Variants in TBC1D19 observed in about 807,000 individuals in gnomAD.
TBC1D19 encodes the protein TBC1 domain family member 19, also known as TBC1 domain family, member 19.
Under a neutral mutation model 89.0 loss-of-function variants are expected in TBC1D19, and 60 were observed. The ratio of observed to expected loss-of-function variants is 0.67; its 90% CI spans 0.55 to 0.84. The LOEUF (loss-of-function observed/expected upper bound fraction) is 0.84, where lower values mean the gene tolerates loss of function less well. Among genes scored for constraint, TBC1D19 ranks in the 40% least tolerant of loss-of-function variants. The probability of loss-of-function intolerance (pLI) is 0.00; values close to 1 mark genes in which losing one functional copy is unlikely to be tolerated. For synonymous variants in TBC1D19, 189 were observed against 199.7 expected (o/e 0.95, Z 0.45); for missense variants, 500 against 610.8 (o/e 0.82, Z 1.91).
chr4:26,793,993 ATT>A, the TBC1D19 span, among the ~76,000 whole-genome samples: 1 of 152,196 alleles, frequency 6.6e-6, no homozygotes, highest in African/African-American at 2.4e-5. Context: ...CAGAACCCTG[ATT>A]AGCTAGTCTT....
At chr4:26,820,021 A>G in the TBC1D19 span, among the ~76,000 whole-genome samples, 3 of 152,056 alleles carry the variant, frequency 2.0e-5, no homozygotes, top group East Asian at 5.8e-4. Flanking sequence ...AAACTTCAAC[A>G]TTTTTCTCTC....
intron 11 of TBC1D19, among the ~76,000 whole-genome samples, chr4:26,679,749 A>G (rs948812200): frequency 3.9e-5 from 6 of 152,256 alleles, no homozygotes; most frequent in Non-Finnish European, 7.3e-5. Flanking sequence ...CCACAGGGGC[A>G]GAGCTGGCCA....
intron 3 of TBC1D19, among the ~76,000 whole-genome samples, chr4:26,618,473 T>TGCATAC (rs1741833354): frequency 6.6e-6 from 1 of 152,130 alleles, no homozygotes; most frequent in East Asian, 1.9e-4. Context: ...CAAAAGTTTG[T>TGCATAC]ATGGCTGAAT....
chr4:26,586,530 G>C (rs1739429297), intron 1 of TBC1D19, among the ~76,000 whole-genome samples: 2 of 152,032 alleles, frequency 1.3e-5, no homozygotes. Context: ...GGATTATGTT[G>C]AATCTGTAGA....
rs1560504083 is a variant in TBC1D19, at chr4:26,735,057, T to TATGTATATGTGTACACAC, written c.1085-390_1085-389insGTGTACACACATGTATAT. On this transcript the variant is annotated intron_variant, in intron 15 of 20. Coordinates refer to ENST00000264866, the MANE Select transcript of TBC1D19 (RefSeq NM_018317.4). Reference sequence around the variant, plus strand: ...ATGTATATGTGTACACACATGTATATATGTATATATGTATACACATGTATA... The same window carrying TATGTATATGTGTACACAC: ...ATGTATATGTGTACACACATGTATATATGTATATGTGTACACACATGTATATATGTATACACATGTATA... Among the ~76,000 whole-genome samples the TATGTATATGTGTACACAC allele has an allele frequency of 2.7e-4, 41 of 150,388 alleles. 1 individual carries two copies. The highest frequency in any genetic ancestry group is 2.7e-4 in the Non-Finnish European group (18 of 67,758).
the TBC1D19 span, among the ~76,000 whole-genome samples, chr4:26,783,486 G>A: frequency 6.6e-6 from 1 of 152,088 alleles, no homozygotes; most frequent in African/African-American, 2.4e-5. Flanking sequence ...CCTGAAAAAC[G>A]TTTTGAGTGT....
intron 7 of TBC1D19, among the ~76,000 whole-genome samples, chr4:26,652,510 G>T (rs1369592098): frequency 2.0e-5 from 3 of 152,150 alleles, no homozygotes; most frequent in African/African-American, 7.2e-5. Context: ...CTGAGAGCTG[G>T]GATTACAGGC....
the TBC1D19 span, among the ~76,000 whole-genome samples, chr4:26,789,688 TA>T: frequency 4.6e-5 from 7 of 152,178 alleles, no homozygotes; most frequent in Non-Finnish European, 7.3e-5. Flanking sequence ...TTTGATCCAG[TA>T]ATCTCACTAC....
At chr4:26,857,972 A>G in the TBC1D19 span, 2 of 152,262 alleles carry the variant, frequency 1.3e-5, no homozygotes, top group East Asian at 3.9e-4. Context: ...TAAGCCAAGA[A>G]CACGCTTAGA....
upstream of TBC1D19, chr4:26,584,060 G>A (rs1739251360): frequency 8.3e-6 from 7 of 841,146 alleles, no homozygotes; most frequent in East Asian, 1.6e-4. Flanking sequence ...GCAGTTGCCT[G>A]GTAACGCCCG....
the TBC1D19 span, among the ~76,000 whole-genome samples, chr4:26,835,893 C>T: frequency 6.6e-6 from 1 of 152,072 alleles, no homozygotes; most frequent in African/African-American, 2.4e-5. Flanking sequence ...TTATCTCTCC[C>T]CATTCTCTTC....
At chr4:26,794,747 A>G in the TBC1D19 span, among the ~76,000 whole-genome samples, 2 of 152,258 alleles carry the variant, frequency 1.3e-5, no homozygotes, top group African/African-American at 2.4e-5. Context: ...GGCCATAGAA[A>G]ATTTTTTTAA....
At chr4:26,619,489 G>A (rs1741904084) in intron 3 of TBC1D19, among the ~76,000 whole-genome samples, 2 of 152,152 alleles carry the variant, frequency 1.3e-5, no homozygotes. Context: ...GCAGGCATAA[G>A]CCACCACGTT....
chr4:26,842,517 T>G, the TBC1D19 span, among the ~76,000 whole-genome samples: 1 of 145,586 alleles, frequency 6.9e-6, no homozygotes, highest in Non-Finnish European at 1.5e-5. Flanking sequence ...TTCTCCTTCC[T>G]TCCCTTTCTT....
At chr4:26,758,520 T>C (rs767932772), downstream of TBC1D19, among the ~76,000 whole-genome samples, 1 of 152,086 alleles carries the variant, frequency 6.6e-6, no homozygotes, top group Non-Finnish European at 1.5e-5. Context: ...CCTCTGGCCA[T>C]GGGGATTGCT....
intron 1 of TBC1D19, among the ~76,000 whole-genome samples, chr4:26,605,938 A>G (rs1560412726): frequency 6.6e-6 from 1 of 152,194 alleles, no homozygotes; most frequent in East Asian, 1.9e-4. Flanking sequence ...TAATAAACAA[A>G]TATTTTAATT....
At chr4:26,752,192 T>C (rs1719002853) in intron 19 of TBC1D19, among the ~76,000 whole-genome samples, 1 of 152,032 alleles carries the variant, frequency 6.6e-6, no homozygotes, top group Non-Finnish European at 1.5e-5. Flanking sequence ...TTGCATTAGG[T>C]ATGCAGTATA....
intron 4 of TBC1D19, among the ~76,000 whole-genome samples, chr4:26,634,748 G>A (rs1010206110): frequency 1.1e-4 from 16 of 152,024 alleles, no homozygotes; most frequent in African/African-American, 3.9e-4. Context: ...TATATTTTAT[G>A]CATTCAGAAC....
At chr4:26,817,975 A>ACATATATATATATATATATATAT in the TBC1D19 span, among the ~76,000 whole-genome samples, 66 of 105,184 alleles carry the variant, frequency 6.3e-4, no homozygotes, top group African/African-American at 2.2e-3. Context: ...ATTTAAAAAA[A>ACATATATATATATATATATATAT]AAAAAAATAT....
Sources: allele counts gnomAD v4.1 joint callset (sites outside exome capture counted in the v4.1 genomes callset), GRCh38; gene constraint gnomAD v4.1.1; transcripts MANE v1.5; gene names NCBI Gene and HGNC (gene_info 2026-07-23, HGNC 2026-07-21).